Variants in ATP8A1 observed in about 807,000 individuals in gnomAD.
ATP8A1 encodes ATPase phospholipid transporting 8A1.
In ATP8A1, 90 loss-of-function variants were observed where a neutral mutation model predicts 177.7. That is an observed-to-expected ratio of 0.51 (90% CI 0.43 to 0.60). The LOEUF is 0.60. ATP8A1 is among the 20% of genes least tolerant of loss of function. The pLI, the probability that ATP8A1 is intolerant of heterozygous loss-of-function variation, is 0.00. For synonymous variants in ATP8A1, 493 were observed against 485.9 expected (o/e 1.01, Z -0.19); for missense variants, 1,072 against 1,392.8 (o/e 0.77, Z 3.67).
intron 24 of ATP8A1, among the ~76,000 whole-genome samples, chr4:42,496,433 G>A (rs540762126): frequency 2.6e-5 from 4 of 152,204 alleles, no homozygotes; most frequent in Admixed American, 2.6e-4. Context: ...AGCAAAGCAC[G>A]CGGGGAGGAA....
At chr4:42,600,568 G>A in intron 5 of ATP8A1, 50 bp from the exon 6 acceptor site, 1 of 1,530,016 alleles carries the variant, frequency 6.5e-7, no homozygotes, top group South Asian at 1.2e-5. Context: ...ACTATGAAAA[G>A]GCCATTTCTG....
intron 24 of ATP8A1, among the ~76,000 whole-genome samples, chr4:42,496,226 T>C (rs1429617704): frequency 2.6e-5 from 4 of 152,140 alleles, no homozygotes; most frequent in Admixed American, 2.6e-4. Flanking sequence ...TGGGGACATG[T>C]AGCAAAGACA....
intron 4 of ATP8A1, among the ~76,000 whole-genome samples, chr4:42,618,823 A>G (rs1737167650): frequency 6.6e-6 from 1 of 152,194 alleles, no homozygotes. Context: ...CACCATGTCT[A>G]CCATACCTGC....
At chr4:42,475,703 T>C (rs529481698) in intron 25 of ATP8A1, among the ~76,000 whole-genome samples, 2 of 152,218 alleles carry the variant, frequency 1.3e-5, no homozygotes, top group East Asian at 1.9e-4. Flanking sequence ...TTATTCTTCA[T>C]AACTCTATGA....
chr4:42,554,428 A>C (rs756865258), intron 16 of ATP8A1, among the ~76,000 whole-genome samples: 35 of 152,200 alleles, frequency 2.3e-4, no homozygotes, highest in Non-Finnish European at 3.5e-4. Flanking sequence ...GAAAGCTGAG[A>C]ATCCAAGAGG....
chr4:42,645,370 T>G (rs1032333350), intron 1 of ATP8A1, among the ~76,000 whole-genome samples: 7 of 152,248 alleles, frequency 4.6e-5, no homozygotes, highest in African/African-American at 1.4e-4. Flanking sequence ...CTAATACTCT[T>G]GGTTTCTTGG....
intron 9 of ATP8A1, among the ~76,000 whole-genome samples, chr4:42,584,737 T>C (rs1294232189): frequency 3.9e-5 from 6 of 152,244 alleles, no homozygotes; most frequent in South Asian, 2.1e-4. Flanking sequence ...TAAATATCTA[T>C]GCCACTTACT....
chr4:42,452,996 C>T (rs570654627), intron 29 of ATP8A1, among the ~76,000 whole-genome samples: 1 of 152,198 alleles, frequency 6.6e-6, no homozygotes, highest in Non-Finnish European at 1.5e-5. Flanking sequence ...ATCCAATTTA[C>T]GCTCCAATAC....
intron 25 of ATP8A1, among the ~76,000 whole-genome samples, chr4:42,478,104 C>T (rs978103403): frequency 6.6e-6 from 1 of 152,090 alleles, no homozygotes; most frequent in African/African-American, 2.4e-5. Context: ...CCTGTAATCC[C>T]AGCCCTTTGG....
At chr4:42,476,626 A>AT (rs1229022784) in intron 25 of ATP8A1, among the ~76,000 whole-genome samples, 26 of 151,798 alleles carry the variant, frequency 1.7e-4, no homozygotes, top group African/African-American at 6.3e-4. Context: ...AAAAAAAAAA[A>AT]GTTAACAGAA....
chr4:42,635,917 T>TGGAATCAGTTCA (rs1739289647), intron 1 of ATP8A1, among the ~76,000 whole-genome samples: 1 of 150,456 alleles, frequency 6.6e-6, no homozygotes. Flanking sequence ...GCTTGACTAA[T>TGGAATCAGTTCA]GGAATCAGTT....
chr4:42,551,675 T>A (rs1729517818), intron 17 of ATP8A1, among the ~76,000 whole-genome samples: 1 of 152,204 alleles, frequency 6.6e-6, no homozygotes, highest in Admixed American at 6.5e-5. Context: ...AAACTAATAT[T>A]GCTAATTGAG....
intron 34 of ATP8A1, among the ~76,000 whole-genome samples, chr4:42,423,352 G>A (rs1481178696): frequency 1.3e-5 from 2 of 152,034 alleles, no homozygotes; most frequent in Non-Finnish European, 2.9e-5. Context: ...TTTTGGGGCT[G>A]TTTCTAAAAA....
chr4:42,420,599 G>A (rs947187869), intron 35 of ATP8A1, among the ~76,000 whole-genome samples: 1 of 152,112 alleles, frequency 6.6e-6, no homozygotes, highest in African/African-American at 2.4e-5. Context: ...GAAGTCATTG[G>A]TAGACAACAA....
At chr4:42,613,954 T>C (rs1020029574) in intron 5 of ATP8A1, among the ~76,000 whole-genome samples, 6 of 152,256 alleles carry the variant, frequency 3.9e-5, no homozygotes, top group Admixed American at 2.6e-4. Flanking sequence ...CCTACAGATA[T>C]GAAGTGTATT....
At position 42,574,627 on chromosome 4, in the gene ATP8A1, A is replaced by G; in HGVS notation, c.1287T>C (p.Val429=). 6.2e-7 allele frequency: 1 copy of G among 1,608,304 alleles called. No individual in the cohort carries two copies. The highest frequency in any genetic ancestry group is 8.5e-7 in the Non-Finnish European group (1 of 1,178,240). The stretch of plus-strand genomic sequence containing the variant: ...TAAAGGAAAAAACTCACCCATAAGC[A>G]ACTCCCGCTATGGTGCACTTCTTAA... The part of the protein sequence containing the change: ...MQFKKCTIAG[V]AYGHVPEPED... Residue 429 remains valine, a synonymous_variant, in exon 14 of 37, where the codon GTT becomes GTC. Coordinates refer to ENST00000381668, the MANE Select transcript of ATP8A1 (RefSeq NM_006095.2).
intron 1 of ATP8A1, among the ~76,000 whole-genome samples, chr4:42,631,492 G>A (rs1248757087): frequency 6.6e-6 from 1 of 152,156 alleles, no homozygotes; most frequent in African/African-American, 2.4e-5. Context: ...GGTGAACTGA[G>A]ACTCTCATAG....
At chr4:42,559,162 G>A (rs1201402408) in intron 15 of ATP8A1, among the ~76,000 whole-genome samples, 3 of 152,150 alleles carry the variant, frequency 2.0e-5, no homozygotes, top group Non-Finnish European at 4.4e-5. Flanking sequence ...CTCCTGCCTG[G>A]GTGACAGAGG....
intron 33 of ATP8A1, among the ~76,000 whole-genome samples, chr4:42,431,321 T>C (rs1012330192): frequency 1.3e-5 from 2 of 152,176 alleles, no homozygotes; most frequent in African/African-American, 4.8e-5. Context: ...TAGATTACAA[T>C]CAAGAGGAGA....
Sources: gnomAD v4.1 joint callset for allele counts (sites outside exome capture counted in the v4.1 genomes callset) on GRCh38, gnomAD v4.1.1 for gene constraint, MANE v1.5 for transcripts, NCBI Gene and HGNC (gene_info 2026-07-23, HGNC 2026-07-21) for gene names.